Variants in CCDC93 observed in about 807,000 individuals in gnomAD.
CCDC93 encodes the protein coiled-coil domain-containing protein 93.
Under a neutral mutation model 108.2 loss-of-function variants are expected in CCDC93, and 61 were observed. The ratio of observed to expected loss-of-function variants is 0.56; its 90% CI spans 0.46 to 0.70. CCDC93 has a LOEUF of 0.70. Among genes scored for constraint, CCDC93 ranks in the 30% least tolerant of loss-of-function variants. The pLI, the probability that CCDC93 is intolerant of heterozygous loss-of-function variation, is 0.00. For synonymous variants in CCDC93, 276 were observed against 260.4 expected, an observed-to-expected ratio of 1.06 and a Z score of -0.58; for missense variants, 685 against 764.2, an observed-to-expected ratio of 0.90 and a Z score of 1.22.
chr2:117,948,285 T>A, intron 14 of CCDC93, 99 bp from the exon 15 acceptor site: 1 of 771,410 alleles, frequency 1.3e-6, no homozygotes, highest in Non-Finnish European at 2.2e-6. Flanking sequence ...ACTCTCCTTT[T>A]AATTTCCTTT....
In CCDC93 at chr2:117,916,954, CTT is replaced by C. The variant is rs1333350457; in HGVS notation, c.*3387_*3388del. ...ATGATGGCATCCATCCTATGGGGCT[CTT>C]TATTGTACTGTTCTGCATTAAGATG... On this transcript the variant is annotated 3_prime_UTR_variant, in exon 24 of 24. Transcript: ENST00000376300. The C allele has an allele frequency of 6.6e-6, 1 of 152,170 alleles. No individual in the cohort carries two copies. Among genetic ancestry groups the C allele is most frequent in the Non-Finnish European group, 1.5e-5 (1 of 68,026 alleles). The allele number at this position is 152,170 out of a possible 1,614,324, so 9.4% of individuals were successfully genotyped here.
intron 2 of CCDC93, 96 bp downstream of exon 2, chr2:118,008,449 G>C: frequency 4.1e-6 from 3 of 730,392 alleles, no homozygotes; most frequent in Non-Finnish European, 7.1e-6. Context: ...AGACATGGAA[G>C]AAGTTAAAAC....
intron 11 of CCDC93, among the ~76,000 whole-genome samples, chr2:117,972,863 C>G (rs372126005): frequency 4.7e-4 from 72 of 152,234 alleles, no homozygotes; most frequent in African/African-American, 1.6e-3. Context: ...AATGGAAAGA[C>G]AGGACACTCT....
At chr2:117,996,950 A>G (rs1181838562) in intron 4 of CCDC93, 1 of 152,418 alleles carries the variant, frequency 6.6e-6, no homozygotes, top group African/African-American at 2.4e-5. Context: ...TGACATTCAT[A>G]ACATTCTCTC....
chr2:117,945,708 T>A, intron 16 of CCDC93, 126 bp from the exon 17 acceptor site: 1 of 733,294 alleles, frequency 1.4e-6, no homozygotes, highest in Non-Finnish European at 2.4e-6. Flanking sequence ...TGTGTTGATG[T>A]CCCCCGAGCA....
intron 3 of CCDC93, among the ~76,000 whole-genome samples, chr2:118,002,707 C>G (rs1014456959): frequency 1.3e-5 from 2 of 152,070 alleles, no homozygotes; most frequent in Non-Finnish European, 2.9e-5. Context: ...ACCCTTCCTC[C>G]CTAACAGAGG....
At chr2:117,993,916 T>G (rs1680564469) in intron 6 of CCDC93, among the ~76,000 whole-genome samples, 1 of 152,206 alleles carries the variant, frequency 6.6e-6, no homozygotes, top group Non-Finnish European at 1.5e-5. Context: ...GTATTTTTTG[T>G]AGAGATGGGG....
At chr2:117,956,893 T>G (rs1573487231) in intron 12 of CCDC93, among the ~76,000 whole-genome samples, 1 of 524 alleles carries the variant, frequency 1.9e-3, no homozygotes. Flanking sequence ...TGGTACCCAT[T>G]TTTTTTTTTT....
intron 19 of CCDC93, among the ~76,000 whole-genome samples, chr2:117,940,742 T>C (rs1050736403): frequency 6.6e-6 from 1 of 152,288 alleles, no homozygotes; most frequent in South Asian, 2.1e-4. Context: ...ACATGATCTC[T>C]TATTCAGGCT....
intron 17 of CCDC93, 92 bp from the exon 18 acceptor site, chr2:117,944,178 C>T: frequency 1.1e-6 from 1 of 874,372 alleles, no homozygotes; most frequent in Non-Finnish European, 1.7e-6. Context: ...TTTATCATAT[C>T]TCCCCCATCC....
intron 7 of CCDC93, among the ~76,000 whole-genome samples, chr2:117,983,943 G>A (rs1261832022): frequency 6.6e-6 from 1 of 152,056 alleles, no homozygotes; most frequent in East Asian, 1.9e-4. Flanking sequence ...CTCACTGAAG[G>A]CTCAAACAGT....
At chr2:118,013,659 C>G (rs1165009398) in intron 1 of CCDC93, among the ~76,000 whole-genome samples, 2 of 152,172 alleles carry the variant, frequency 1.3e-5, no homozygotes, top group Non-Finnish European at 2.9e-5. Context: ...GAGCCCAGGA[C>G]CCCGCGGCGC....
chr2:118,013,541 C>G (rs897675773), intron 1 of CCDC93, among the ~76,000 whole-genome samples: 1 of 152,270 alleles, frequency 6.6e-6, no homozygotes, highest in African/African-American at 2.4e-5. Context: ...CGAGCCCGAA[C>G]CGCCTCGGAG....
At chr2:118,004,633 A>G (rs1443281392) in intron 3 of CCDC93, among the ~76,000 whole-genome samples, 5 of 152,206 alleles carry the variant, frequency 3.3e-5, no homozygotes, top group Middle Eastern at 3.2e-3. Context: ...CAAACAGAAA[A>G]GATTTTTAGA....
intron 11 of CCDC93, among the ~76,000 whole-genome samples, chr2:117,969,706 T>C (rs1291392793): frequency 7.1e-6 from 1 of 140,180 alleles, no homozygotes; most frequent in Non-Finnish European, 1.6e-5. Flanking sequence ...ACTATGAGTA[T>C]GTCCGAACAT....
At chr2:117,952,300 A>G (rs1679082084) in intron 13 of CCDC93, 73 bp downstream of exon 13, 4 of 963,312 alleles carry the variant, frequency 4.2e-6, no homozygotes, top group Middle Eastern at 2.1e-4. Context: ...GAAACACATC[A>G]TTCCATTAGT....
chr2:117,941,049 G>C, intron 19 of CCDC93, 140 bp downstream of exon 19: 2 of 633,660 alleles, frequency 3.2e-6, no homozygotes, highest in South Asian at 1.8e-5. Context: ...TGCCAAGTGG[G>C]CCTGCTGATG....
chr2:117,996,585 T>C, intron 4 of CCDC93: 1 of 419,470 alleles, frequency 2.4e-6, no homozygotes, highest in Non-Finnish European at 4.4e-6. Context: ...GTGCAGGAGC[T>C]TTAAAGCCTT....
intron 11 of CCDC93, among the ~76,000 whole-genome samples, chr2:117,963,539 C>T (rs1448337475): frequency 2.0e-5 from 3 of 152,190 alleles, no homozygotes; most frequent in African/African-American, 4.8e-5. Flanking sequence ...TACATGAATG[C>T]TCTTTTCAAT....
Sources: gnomAD v4.1 joint callset for allele counts (sites outside exome capture counted in the v4.1 genomes callset) on GRCh38, gnomAD v4.1.1 for gene constraint, MANE v1.5 for transcripts, NCBI Gene and HGNC (gene_info 2026-07-23, HGNC 2026-07-21) for gene names.